Variants in ANKS1B observed in about 807,000 individuals in gnomAD.
The protein encoded by ANKS1B is ankyrin repeat and sterile alpha motif domain-containing protein 1B.
In ANKS1B, 36 loss-of-function variants were observed where a neutral mutation model predicts 148.3. That is an observed-to-expected ratio of 0.24 (90% CI 0.19 to 0.32). The LOEUF (loss-of-function observed/expected upper bound fraction) is 0.32, where lower values mean the gene tolerates loss of function less well. Ranked by LOEUF, ANKS1B falls within the 10% of genes least tolerant of loss-of-function variation. The pLI, the probability that ANKS1B is intolerant of heterozygous loss-of-function variation, is 1.00. For synonymous variants in ANKS1B, 542 were observed against 560.8 expected (o/e 0.97, Z 0.47); for missense variants, 1,157 against 1,542.6 (o/e 0.75, Z 4.19).
intron 9 of ANKS1B, among the ~76,000 whole-genome samples, chr12:99,602,178 C>T (rs950457133): frequency 1.3e-5 from 2 of 151,906 alleles, no homozygotes; most frequent in Non-Finnish European, 2.9e-5. Flanking sequence ...CTTTGTGGTA[C>T]CATTTTCTGA....
rs1460730919 is a variant in ANKS1B, at chr12:99,757,039, G to A, written c.1128+15883C>T. Among the ~76,000 whole-genome samples the A allele has an allele frequency of 2.6e-5, 4 of 151,834 alleles. No individual in the cohort carries two copies. The East Asian group carries it at 7.7e-4, about 29-fold the overall frequency. ...TAATACCATTCAGGACACAGGAATG[G>A]GCAAAGATTTCATGACAAAGATGCC... is the stretch of plus-strand genomic sequence containing the variant. On this transcript the variant is annotated intron_variant, in intron 8 of 26. Coordinates refer to ENST00000683438, the MANE Select transcript of ANKS1B (RefSeq NM_001352186.2).
At chr12:98,784,671 G>T (rs1397648729) in intron 22 of ANKS1B, among the ~76,000 whole-genome samples, 1 of 152,214 alleles carries the variant, frequency 6.6e-6, no homozygotes, top group East Asian at 1.9e-4. Flanking sequence ...ACAACAGGCA[G>T]GTCAGGACAC....
chr12:99,095,028 G>T (rs545703944), intron 15 of ANKS1B, among the ~76,000 whole-genome samples: 2 of 17,744 alleles, frequency 1.1e-4, no homozygotes, highest in African/African-American at 2.1e-4. Flanking sequence ...GGTCTCACTG[G>T]GGGGGGGGTC....
intron 12 of ANKS1B, among the ~76,000 whole-genome samples, chr12:99,312,868 G>C (rs1156475337): frequency 1.3e-5 from 2 of 151,998 alleles, no homozygotes; most frequent in African/African-American, 4.8e-5. Flanking sequence ...AAGAGCTAGA[G>C]AAGCAAGAGT....
At chr12:99,554,232 T>C (rs949463687) in intron 9 of ANKS1B, among the ~76,000 whole-genome samples, 5 of 152,054 alleles carry the variant, frequency 3.3e-5, no homozygotes, top group Non-Finnish European at 7.4e-5. Flanking sequence ...AGTAACCCAA[T>C]TGAGAAGTCT....
intron 12 of ANKS1B, among the ~76,000 whole-genome samples, chr12:99,367,919 C>T (rs2092867933): frequency 1.3e-5 from 2 of 152,032 alleles, no homozygotes; most frequent in South Asian, 2.1e-4. Flanking sequence ...ATAATTTTGA[C>T]ATCTGAACTA....
At chr12:99,057,397 C>T (rs969277283) in intron 16 of ANKS1B, among the ~76,000 whole-genome samples, 4 of 152,138 alleles carry the variant, frequency 2.6e-5, no homozygotes, top group African/African-American at 9.7e-5. Flanking sequence ...AATATTCTGC[C>T]ATTGGCTGCT....
chr12:98,914,650 T>C (rs1275904989), intron 17 of ANKS1B, among the ~76,000 whole-genome samples: 1 of 152,122 alleles, frequency 6.6e-6, no homozygotes, highest in Non-Finnish European at 1.5e-5. Flanking sequence ...CCTTCACTGT[T>C]GAGTGAACAC....
At chr12:99,290,605 A>T (rs2079830070) in intron 12 of ANKS1B, among the ~76,000 whole-genome samples, 1 of 152,270 alleles carries the variant, frequency 6.6e-6, no homozygotes, top group African/African-American at 2.4e-5. Context: ...CTGGAATGCA[A>T]GGATGGTTTA....
rs372390396 is a variant in ANKS1B at position 99,451,847 on chromosome 12, T to C, written c.1439-8038A>G. On this transcript the variant is annotated intron_variant, in intron 10 of 26. Coordinates refer to ENST00000683438, the MANE Select transcript of ANKS1B (RefSeq NM_001352186.2). ...AATACATTGCCTGACACATAGTAAGTGCTCAATAAAATTATCTATTACTAT... is the reference window on the plus strand; with the variant it reads ...AATACATTGCCTGACACATAGTAAGCGCTCAATAAAATTATCTATTACTAT... Among the ~76,000 whole-genome samples, 7 of 152,014 alleles carry C rather than the reference T, an allele frequency of 4.6e-5. No individual in the cohort carries two copies. In the East Asian group the frequency reaches 5.8e-4, roughly 13 times the overall value.
chr12:99,138,487 A>G (rs1469794430), intron 15 of ANKS1B, among the ~76,000 whole-genome samples: 1 of 152,244 alleles, frequency 6.6e-6, no homozygotes, highest in Non-Finnish European at 1.5e-5. Context: ...ATGGTTAATT[A>G]GTCTCAGACA....
At chr12:99,527,987 A>C (rs559222286) in intron 9 of ANKS1B, among the ~76,000 whole-genome samples, 1 of 152,256 alleles carries the variant, frequency 6.6e-6, no homozygotes, top group African/African-American at 2.4e-5. Context: ...ACAAGGCTAC[A>C]GTAACCAAAA....
At chr12:98,850,459 A>ATTTTTTTTTTTTT (rs59294440) in intron 17 of ANKS1B, among the ~76,000 whole-genome samples, 2 of 70,512 alleles carry the variant, frequency 2.8e-5, no homozygotes, top group Non-Finnish European at 4.9e-5. Context: ...GAAGCATTGC[A>ATTTTTTTTTTTTT]TTTTTTTTTT....
intron 14 of ANKS1B, among the ~76,000 whole-genome samples, chr12:99,168,476 G>A (rs753329647): frequency 2.0e-5 from 3 of 149,782 alleles, no homozygotes; most frequent in Non-Finnish European, 4.4e-5. Flanking sequence ...CCAAGATAGT[G>A]CCATTGCACT....
At chr12:99,169,386 G>A (rs2077517046) in intron 14 of ANKS1B, among the ~76,000 whole-genome samples, 2 of 152,104 alleles carry the variant, frequency 1.3e-5, no homozygotes, top group Non-Finnish European at 2.9e-5. Flanking sequence ...TGTTTGCTAA[G>A]CAGGAAAATG....
chr12:99,611,338 T>C (rs1206774150), intron 9 of ANKS1B, among the ~76,000 whole-genome samples: 1 of 152,164 alleles, frequency 6.6e-6, no homozygotes, highest in Admixed American at 6.6e-5. Context: ...TGACTCATTC[T>C]TTACATGCCA....
At chr12:99,537,638 C>A (rs952330111) in intron 9 of ANKS1B, among the ~76,000 whole-genome samples, 3 of 151,998 alleles carry the variant, frequency 2.0e-5, no homozygotes, top group African/African-American at 7.2e-5. Flanking sequence ...TTCGCACACT[C>A]TATATATTCT....
At chr12:99,680,564 G>C (rs947287735) in intron 8 of ANKS1B, among the ~76,000 whole-genome samples, 7 of 152,240 alleles carry the variant, frequency 4.6e-5, no homozygotes, top group African/African-American at 1.7e-4. Flanking sequence ...ACCACAGGGA[G>C]AAAGAAACTT....
intron 8 of ANKS1B, among the ~76,000 whole-genome samples, chr12:99,732,141 A>G (rs1567737667): frequency 2.0e-5 from 3 of 152,304 alleles, no homozygotes; most frequent in South Asian, 4.1e-4. Context: ...CTAAAACTTA[A>G]AAGACTGATG....
Sources: gnomAD v4.1 joint callset for allele counts (sites outside exome capture counted in the v4.1 genomes callset) on GRCh38, gnomAD v4.1.1 for gene constraint, MANE v1.5 for transcripts, NCBI Gene and HGNC (gene_info 2026-07-23, HGNC 2026-07-21) for gene names.